The following ABCG8 variants were observed in gnomAD, a reference collection of about 807,000 sequenced individuals.
ABCG8 encodes ATP-binding cassette sub-family G member 8.
In ABCG8, 81 loss-of-function variants were observed where a neutral mutation model predicts 71.3. The observed-to-expected ratio is 1.14, with a 90% CI of 0.95 to 1.37. The LOEUF (loss-of-function observed/expected upper bound fraction) is 1.37, where lower values mean the gene tolerates loss of function less well. ABCG8 is among the 40% of genes most tolerant of loss of function. ABCG8 has a pLI of 0.00. For missense variants in ABCG8, 1,119 were observed against 866.2 expected (o/e 1.29, Z -3.66); for synonymous variants, 451 against 354.7 (o/e 1.27, Z -3.05).
chr2:43,877,094 CTG>C (rs1022690190), intron 11 of ABCG8, among the ~76,000 whole-genome samples: 2 of 132,632 alleles, frequency 1.5e-5, no homozygotes, highest in East Asian at 2.4e-4. Flanking sequence ...TATGAGGAAA[CTG>C]TGAATATGGG....
Position 43,882,085 on chromosome 2 carries a change from T to C in ABCG8, c.*4172T>C, listed in dbSNP as rs922691342. 2.0e-5 allele frequency: 3 copies of C among 152,200 alleles called. No individual in the cohort carries two copies. The highest frequency in any genetic ancestry group is 2.0e-4 in the Admixed American group (3 of 15,282). The allele number at this position is 152,200 out of a possible 1,614,324, so 9.4% of individuals were successfully genotyped here. On this transcript the variant is annotated 3_prime_UTR_variant, in exon 13 of 13. Transcript: ENST00000272286. ...TTTTAAGCCCTCCAATTTCAAGTTA[T>C]GCTATTGGTGGGGAATTTTAATTAA...
chr2:43,851,793 A>G lies in ABCG8; in HGVS notation c.532A>G (p.Thr178Ala), dbSNP rs1668925404. ...CATTGCCCAGATGCGGCTGCCCAGA[A>G]CCTTCTCCCAGGCCCAGCGTGACAA... ...AFIAQMRLPR[T>A]FSQAQRDKRV... Residue 178 changes from threonine (T) to alanine (A), a missense_variant, in exon 4 of 13, where the codon ACC becomes GCC. Physicochemically the swap from Thr to Ala is moderately conservative, Grantham distance 58. Transcript: ENST00000272286. 6.2e-7 allele frequency: 1 copy of G among 1,614,024 alleles called. No homozygotes were observed. The highest frequency in any genetic ancestry group is 8.5e-7 in the Non-Finnish European group (1 of 1,180,028).
Position 43,880,173 on chromosome 2 carries a change from G to GTTTTTTTTT in ABCG8, c.*2264_*2265insTTTTTTTTT, listed in dbSNP as rs369164911. Reference sequence around the variant, plus strand: ...ACCAAGAGTTTCAGGCTCATTTTTTGTTTTGTTTTTTTTTTTTTGAGACAG... The same window carrying GTTTTTTTTT: ...ACCAAGAGTTTCAGGCTCATTTTTTGTTTTTTTTTTTTTGTTTTTTTTTTTTTGAGACAG... On this transcript the variant is annotated 3_prime_UTR_variant, in exon 13 of 13. Transcript: ENST00000272286. 1.2e-5 allele frequency: 1 copy of GTTTTTTTTT among 86,054 alleles called. No homozygotes were observed. The allele number at this position is 86,054 out of a possible 1,614,324, so 5.3% of individuals were successfully genotyped here. A position where few individuals can be genotyped will look rare whatever the true frequency, so the allele number is the denominator to read the frequency against.
intron 6 of ABCG8, among the ~76,000 whole-genome samples, chr2:43,858,605 G>C (rs1490626571): frequency 6.6e-6 from 1 of 150,952 alleles, no homozygotes; most frequent in Admixed American, 6.6e-5. Flanking sequence ...TTTCTGTATA[G>C]AACTCTCACT....
intron 1 of ABCG8, among the ~76,000 whole-genome samples, chr2:43,841,659 A>G (rs1668584225): frequency 1.3e-5 from 2 of 152,108 alleles, no homozygotes; most frequent in Non-Finnish European, 2.9e-5. Context: ...GGCCACAGTG[A>G]AGGGGCTTGG....
intron 6 of ABCG8, among the ~76,000 whole-genome samples, chr2:43,868,182 G>C (rs1669602070): frequency 6.6e-6 from 1 of 151,854 alleles, no homozygotes; most frequent in Admixed American, 6.6e-5. Flanking sequence ...CCTCTGGATG[G>C]AACTGTCACT....
chr2:43,848,974 A>ATTGCACCATT (rs1668828245), intron 3 of ABCG8, among the ~76,000 whole-genome samples: 1 of 143,354 alleles, frequency 7.0e-6, no homozygotes, highest in African/African-American at 2.6e-5. Context: ...GTGAGCTGAG[A>ATTGCACCATT]TTGCACCATT....
chr2:43,875,270 T>C lies in ABCG8; in HGVS notation c.1613T>C (p.Val538Ala). The C allele has an allele frequency of 1.9e-6, 3 of 1,608,210 alleles. No individual in the cohort carries two copies. The highest frequency in any genetic ancestry group is 2.5e-6 in the Non-Finnish European group (3 of 1,178,698). Residue 538 changes from valine to alanine, a missense_variant, in exon 11 of 13, where the codon GTG becomes GCG. Coordinates refer to ENST00000272286, the MANE Select transcript of ABCG8 (RefSeq NM_022437.3). Reference sequence around the variant, plus strand: ...CTGCACTTCCTGCTGGTGTGGCTGGTGGTCTTCTGTTGCAGGATTATGGCC... The same window carrying C: ...CTGCACTTCCTGCTGGTGTGGCTGGCGGTCTTCTGTTGCAGGATTATGGCC... The part of the protein sequence containing the change: ...FLLHFLLVWL[V>A]VFCCRIMALA...
At chr2:43,858,118 A>G (rs1669176886) in intron 6 of ABCG8, among the ~76,000 whole-genome samples, 1 of 151,582 alleles carries the variant, frequency 6.6e-6, no homozygotes, top group Non-Finnish European at 1.5e-5. Flanking sequence ...ATTTATCTGG[A>G]TAGAATTCTC....
intron 3 of ABCG8, among the ~76,000 whole-genome samples, chr2:43,849,359 T>G (rs1385455580): frequency 2.6e-5 from 4 of 152,098 alleles, no homozygotes; most frequent in Non-Finnish European, 5.9e-5. Context: ...GCAAGGTACA[T>G]CTTACATGGT....
chr2:43,871,036 A>G (rs1050710865), intron 6 of ABCG8, among the ~76,000 whole-genome samples: 19 of 138,046 alleles, frequency 1.4e-4, no homozygotes, highest in African/African-American at 4.7e-4. Flanking sequence ...AACTCTCACT[A>G]TCTATCTGGA....
In ABCG8 at chr2:43,851,449, C is replaced by T. The variant is rs74425454; in HGVS notation, c.323-135C>T. On this transcript the variant is annotated intron_variant, in intron 3 of 12. Coordinates refer to ENST00000272286, the MANE Select transcript of ABCG8 (RefSeq NM_022437.3). ...ACCCCATCTAGGTCCAGGGACTATG[C>T]CACCTCTCTAGGGGCTGGTCACATC... 875 of 985,350 alleles carry T rather than the reference C, an allele frequency of 8.9e-4. 5 individuals are homozygous for T. In the African/African-American group the frequency reaches 0.013, roughly 15 times the overall value. The allele number at this position is 985,350 out of a possible 1,614,324, so 61.0% of individuals were successfully genotyped here.
chr2:43,875,580 C>T lies in ABCG8; in HGVS notation c.1756+167C>T, dbSNP rs527489091. Among the ~76,000 whole-genome samples the T allele has an allele frequency of 4.6e-5, 7 of 152,324 alleles. No homozygotes were observed. In the South Asian group the frequency reaches 1.0e-3, roughly 23 times the overall value. Reference sequence around the variant, plus strand: ...TGCCCTGGAGGCCAAAGGAATGATTCCATTAGAGATTCCAGATGCACCTCC... The same window carrying T: ...TGCCCTGGAGGCCAAAGGAATGATTTCATTAGAGATTCCAGATGCACCTCC... On this transcript the variant is annotated intron_variant, in intron 11 of 12. Transcript: ENST00000272286.
In ABCG8 at chr2:43,851,722, A is replaced by G. The variant is rs1408154325; in HGVS notation, c.461A>G (p.His154Arg). The G allele has an allele frequency of 1.2e-6, 2 of 1,614,094 alleles. No homozygotes were observed. Among genetic ancestry groups the G allele is most frequent in the South Asian group, 2.2e-5 (2 of 91,088 alleles). Residue 154 changes from histidine (H) to arginine (R), a missense_variant, in exon 4 of 13, where the codon CAC becomes CGC. Transcript: ENST00000272286. ...VRKCVAHVRQ[H>R]NQLLPNLTVR... ...AAGTGTGTGGCCCACGTGCGCCAGC[A>G]CAACCAGCTGCTCCCCAACTTGACT...
At chr2:43,877,749 G>A (rs193289385) in intron 12 of ABCG8, 27 bp from the exon 13 acceptor site, 1 of 1,614,116 alleles carries the variant, frequency 6.2e-7, no homozygotes, top group Non-Finnish European at 8.5e-7. Context: ...TCCTCCTCAT[G>A]AGCCCACTGC....
At chr2:43,877,062 A>G (rs34798399) in intron 11 of ABCG8, among the ~76,000 whole-genome samples, 101,730 of 149,180 alleles carry the variant, frequency 0.68, 35,357 homozygotes, top group East Asian at 0.98. Context: ...GGGAGACTCT[A>G]GTAATATGGG....
intron 3 of ABCG8, 134 bp downstream of exon 3, chr2:43,846,445 G>T: frequency 7.5e-7 from 1 of 1,337,736 alleles, no homozygotes; most frequent in Non-Finnish European, 1.0e-6. Context: ...GAGAACACAG[G>T]TTCTGGGTCA....
chr2:43,840,310 T>C (rs1465601226), intron 1 of ABCG8, among the ~76,000 whole-genome samples: 2 of 152,194 alleles, frequency 1.3e-5, no homozygotes, highest in Admixed American at 6.5e-5. Flanking sequence ...GAATACCCTG[T>C]GGGGCCCACC....
Position 43,877,698 on chromosome 2 carries a change from G to T in ABCG8, c.1884+10G>T. On this transcript the variant is annotated intron_variant, in intron 12 of 12. Transcript: ENST00000272286. ...GGTCTCAGGAGATAAAGTAAGCGGG[G>T]AAGGCCTCGGGTTCTAAATTATTGG... 1 of 1,614,100 alleles carries T rather than the reference G, an allele frequency of 6.2e-7. No homozygotes were observed. The highest frequency in any genetic ancestry group is 8.5e-7 in the Non-Finnish European group (1 of 1,180,002).
Sources: gnomAD v4.1 joint callset for allele counts (sites outside exome capture counted in the v4.1 genomes callset) on GRCh38, gnomAD v4.1.1 for gene constraint, MANE v1.5 for transcripts, NCBI Gene and HGNC (gene_info 2026-07-23, HGNC 2026-07-21) for gene names.